GNB4: variants seen among roughly 807,000 people sequenced by gnomAD.
GNB4 encodes G protein subunit beta 4, also known as guanine nucleotide-binding protein subunit beta-4.
In GNB4, 28 loss-of-function variants were observed where a neutral mutation model predicts 45.2. That is an observed-to-expected ratio of 0.62 (90% CI 0.46 to 0.85). The LOEUF is 0.85. GNB4 is among the 40% of genes least tolerant of loss of function. The pLI is 0.00. For missense variants in GNB4, 321 were observed against 425.4 expected (o/e 0.75, Z 2.16); for synonymous variants, 132 against 143.7 (o/e 0.92, Z 0.58).
At chr3:179,486,919 G>A in the GNB4 span, among the ~76,000 whole-genome samples, 1 of 152,148 alleles carries the variant, frequency 6.6e-6, no homozygotes, top group Admixed American at 6.5e-5. Context: ...TTTAAACATC[G>A]GGCCTCACAA....
At chr3:179,416,452 C>T in intron 5 of GNB4, 41 bp downstream of exon 5, 2 of 1,223,992 alleles carry the variant, frequency 1.6e-6, no homozygotes, top group Non-Finnish European at 2.3e-6. Flanking sequence ...AACAGCCAAA[C>T]AAATATAAGG....
intron 8 of GNB4, chr3:179,405,623 A>G (rs1387867358): frequency 6.1e-6 from 3 of 489,300 alleles, no homozygotes; most frequent in Admixed American, 7.0e-5. Context: ...TACACAGCCC[A>G]TTGTTCAGAA....
At chr3:179,477,173 C>T in the GNB4 span, among the ~76,000 whole-genome samples, 1 of 152,018 alleles carries the variant, frequency 6.6e-6, no homozygotes, top group Non-Finnish European at 1.5e-5. Context: ...CAGTTACTTG[C>T]CAAATCCTTG....
Position 179,405,377 on chromosome 3 carries a change from A to G in GNB4, c.729T>C (p.Thr243=), listed in dbSNP as rs930093234. The G allele has an allele frequency of 3.7e-6, 6 of 1,613,622 alleles. No individual in the cohort carries two copies. Among genetic ancestry groups the G allele is most frequent in the Non-Finnish European group, 5.1e-6 (6 of 1,179,578 alleles). The change falls in exon 9 of 10, where the codon ACT becomes ACC. Residue 243 remains threonine (T), a synonymous_variant. Transcript: ENST00000232564. The part of the protein sequence containing the change: ...SFFPNGYAFA[T]GSDDATCRLF... ...GCCGGCAAGTGGCATCATCAGAGCCAGTGGCGAAGGCATATCCATTTGGGA... is the reference window on the plus strand; with the variant it reads ...GCCGGCAAGTGGCATCATCAGAGCCGGTGGCGAAGGCATATCCATTTGGGA...
chr3:179,482,302 G>A, the GNB4 span, among the ~76,000 whole-genome samples: 1 of 152,204 alleles, frequency 6.6e-6, no homozygotes, highest in Non-Finnish European at 1.5e-5. Flanking sequence ...GATCCTTAGA[G>A]AGGGAAGATA....
the GNB4 span, among the ~76,000 whole-genome samples, chr3:179,497,476 G>A: frequency 6.6e-6 from 1 of 151,942 alleles, no homozygotes; most frequent in Non-Finnish European, 1.5e-5. Context: ...CAAAAGCATA[G>A]GCAACAAAAG....
the GNB4 span, among the ~76,000 whole-genome samples, chr3:179,468,184 C>T: frequency 4.5e-4 from 68 of 150,438 alleles, 1 homozygote; most frequent in African/African-American, 1.5e-3. Context: ...GGCATCAGAG[C>T]AAGACCTTGT....
At chr3:179,457,134 A>G in the GNB4 span, among the ~76,000 whole-genome samples, 4,693 of 152,286 alleles carry the variant, frequency 0.031, 171 homozygotes, top group African/African-American at 0.086. Flanking sequence ...TGCTCTTTAG[A>G]AAAAAACTCT....
intron 8 of GNB4, among the ~76,000 whole-genome samples, chr3:179,407,897 G>A (rs914869406): frequency 7.9e-5 from 12 of 152,120 alleles, no homozygotes; most frequent in African/African-American, 1.4e-4. Flanking sequence ...GAAAAACCTC[G>A]TAATTTCTTG....
intron 2 of GNB4, among the ~76,000 whole-genome samples, chr3:179,423,679 G>A (rs562997080): frequency 1.3e-5 from 2 of 152,200 alleles, no homozygotes; most frequent in African/African-American, 4.8e-5. Flanking sequence ...TTCTCAGGAC[G>A]CTGAGGCAGG....
At chr3:179,515,321 G>A in the GNB4 span, among the ~76,000 whole-genome samples, 1 of 152,216 alleles carries the variant, frequency 6.6e-6, no homozygotes, top group African/African-American at 2.4e-5. Flanking sequence ...GCACGTCCAC[G>A]TGAAGAGACC....
At chr3:179,428,650 C>T (rs1320238935) in intron 1 of GNB4, among the ~76,000 whole-genome samples, 1 of 152,054 alleles carries the variant, frequency 6.6e-6, no homozygotes, top group Non-Finnish European at 1.5e-5. Flanking sequence ...GGCCTCGGGA[C>T]TTTTTAAAAA....
chr3:179,415,135 A>C (rs1714760326), intron 5 of GNB4, 88 bp from the exon 6 acceptor site: 1 of 1,003,672 alleles, frequency 1.0e-6, no homozygotes, highest in Non-Finnish European at 1.4e-6. Context: ...ATATTATTAA[A>C]AATTAAACAC....
At chr3:179,467,805 C>G in the GNB4 span, among the ~76,000 whole-genome samples, 1 of 151,698 alleles carries the variant, frequency 6.6e-6, no homozygotes, top group African/African-American at 2.4e-5. Flanking sequence ...TTTATCTTCC[C>G]AAATAGTTTT....
At chr3:179,461,813 A>G in the GNB4 span, among the ~76,000 whole-genome samples, 3 of 152,220 alleles carry the variant, frequency 2.0e-5, no homozygotes, top group Non-Finnish European at 2.9e-5. Flanking sequence ...GTGTGTAAAA[A>G]GTTACTGTGT....
chr3:179,449,054 G>A (rs1470409257), intron 1 of GNB4, among the ~76,000 whole-genome samples: 1 of 152,202 alleles, frequency 6.6e-6, no homozygotes, highest in Non-Finnish European at 1.5e-5. Context: ...GAAGGTGCAG[G>A]AGAGAGTATG....
chr3:179,415,856 C>T lies in GNB4; in HGVS notation c.267+637G>A, dbSNP rs571205686. ...TCTTAGCTAGCTTTAAAATCTCAAT[C>T]AGGTTGAAATTATTATTTCACAAAA... On this transcript the variant is annotated intron_variant, in intron 5 of 9. Transcript: ENST00000232564. Among the ~76,000 whole-genome samples, 44 of 152,210 alleles carry T rather than the reference C, an allele frequency of 2.9e-4. 1 individual carries two copies. In the South Asian group the frequency reaches 7.9e-3, roughly 27 times the overall value.
At chr3:179,493,782 T>C in the GNB4 span, among the ~76,000 whole-genome samples, 1 of 152,130 alleles carries the variant, frequency 6.6e-6, no homozygotes, top group African/African-American at 2.4e-5. Context: ...GAGGCAGAGG[T>C]GTAGGGAAAA....
At chr3:179,472,370 C>T in the GNB4 span, among the ~76,000 whole-genome samples, 3 of 134,140 alleles carry the variant, frequency 2.2e-5, no homozygotes, top group African/African-American at 5.7e-5. Flanking sequence ...TTCTTTCTTT[C>T]TTTTTTTTTT....
Sources: allele counts gnomAD v4.1 joint callset (sites outside exome capture counted in the v4.1 genomes callset), GRCh38; gene constraint gnomAD v4.1.1; transcripts MANE v1.5; gene names NCBI Gene and HGNC (gene_info 2026-07-23, HGNC 2026-07-21).